FHIT: variants seen among roughly 807,000 people sequenced by gnomAD.
FHIT encodes bis(5'-adenosyl)-triphosphatase.
A neutral mutation model predicts 17.9 loss-of-function variants in FHIT; 19 were observed. The observed-to-expected ratio is 1.06, with a 90% CI of 0.74 to 1.56. FHIT has a LOEUF of 1.56. Among genes scored for constraint, FHIT ranks in the 40% most tolerant of loss-of-function variants. The pLI, the probability that FHIT is intolerant of heterozygous loss-of-function variation, is 0.00. For missense variants in FHIT, 248 were observed against 189.2 expected (o/e 1.31, Z -1.82); for synonymous variants, 81 against 69.7 (o/e 1.16, Z -0.81).
chr3:60,898,157 C>T (rs1705925855), intron 3 of FHIT, among the ~76,000 whole-genome samples: 3 of 152,070 alleles, frequency 2.0e-5, no homozygotes. Context: ...TAATCTGTTT[C>T]CATTTTCATT....
At chr3:60,908,616 G>A (rs782598646) in intron 3 of FHIT, among the ~76,000 whole-genome samples, 1 of 149,784 alleles carries the variant, frequency 6.7e-6, no homozygotes, top group African/African-American at 2.5e-5. Flanking sequence ...AAAGGCGGTT[G>A]TACTATAAAA....
At chr3:61,100,199 A>G (rs1309271214) in intron 2 of FHIT, among the ~76,000 whole-genome samples, 2 of 152,044 alleles carry the variant, frequency 1.3e-5, no homozygotes, top group African/African-American at 4.8e-5. Flanking sequence ...TCCTAATGCT[A>G]TCCCTCTCCC....
At chr3:61,027,706 G>A (rs1372358866) in intron 3 of FHIT, among the ~76,000 whole-genome samples, 2 of 152,150 alleles carry the variant, frequency 1.3e-5, no homozygotes, top group Non-Finnish European at 2.9e-5. Flanking sequence ...CAATATGTAT[G>A]ACAGAAAGAT....
chr3:59,765,685 G>C (rs1001112488), intron 8 of FHIT, among the ~76,000 whole-genome samples: 4 of 152,140 alleles, frequency 2.6e-5, no homozygotes, highest in African/African-American at 4.8e-5. Context: ...AAACAGTTTA[G>C]CATTACCTCC....
In FHIT at chr3:60,186,896, T is replaced by C. The variant is rs372338777; in HGVS notation, c.104-172744A>G. On this transcript the variant is annotated intron_variant, in intron 5 of 9. Coordinates refer to ENST00000492590, the MANE Select transcript of FHIT (RefSeq NM_002012.4). ...CCCTCAAATTAGGAGGCATAAGATATTTAAATTCAAATGGGAGCTTTCTAC... is the reference window on the plus strand; with the variant it reads ...CCCTCAAATTAGGAGGCATAAGATACTTAAATTCAAATGGGAGCTTTCTAC... Among the ~76,000 whole-genome samples the C allele has an allele frequency of 2.0e-5, 3 of 152,274 alleles. No homozygotes were observed. In the South Asian group the frequency reaches 6.2e-4, roughly 32 times the overall value.
intron 5 of FHIT, among the ~76,000 whole-genome samples, chr3:60,123,534 C>T (rs954990030): frequency 1.3e-5 from 2 of 152,080 alleles, no homozygotes; most frequent in Non-Finnish European, 2.9e-5. Flanking sequence ...GTTATATACT[C>T]TGATTCATTA....
intron 5 of FHIT, among the ~76,000 whole-genome samples, chr3:60,475,438 A>C (rs1466925641): frequency 4.6e-5 from 7 of 152,188 alleles, no homozygotes; most frequent in Admixed American, 4.6e-4. Flanking sequence ...TATTACTTTG[A>C]AACCAAAGCT....
chr3:60,860,437 T>TGTATATATGATA (rs1455258488), intron 3 of FHIT, among the ~76,000 whole-genome samples: 1 of 134,770 alleles, frequency 7.4e-6, no homozygotes, highest in South Asian at 2.3e-4. Flanking sequence ...TACATATATA[T>TGTATATATGATA]CATGTATATA....
chr3:60,363,286 T>C (rs1204169823), intron 5 of FHIT, among the ~76,000 whole-genome samples: 2 of 152,182 alleles, frequency 1.3e-5, no homozygotes, highest in Admixed American at 6.5e-5. Flanking sequence ...TGTGTGTGCC[T>C]ATGAAGTTTT....
intron 5 of FHIT, among the ~76,000 whole-genome samples, chr3:60,049,451 ATG>A: frequency 7.7e-6 from 1 of 129,820 alleles, no homozygotes; most frequent in Non-Finnish European, 1.9e-5. Flanking sequence ...GAATATCTTG[ATG>A]AATCTTCTTT....
At chr3:60,056,459 G>C (rs1389951439) in intron 5 of FHIT, among the ~76,000 whole-genome samples, 1 of 152,220 alleles carries the variant, frequency 6.6e-6, no homozygotes, top group Non-Finnish European at 1.5e-5. Context: ...TTTTGTAAGA[G>C]AAACTCTTCT....
chr3:61,220,919 C>T (rs904621801), intron 1 of FHIT, among the ~76,000 whole-genome samples: 1 of 152,184 alleles, frequency 6.6e-6, no homozygotes, highest in Admixed American at 6.5e-5. Flanking sequence ...ACACGACATG[C>T]CCTTGCCACA....
chr3:60,472,590 C>T (rs59642367), intron 5 of FHIT, among the ~76,000 whole-genome samples: 2 of 151,942 alleles, frequency 1.3e-5, no homozygotes, highest in Non-Finnish European at 2.9e-5. Flanking sequence ...AGGATGGTCT[C>T]GATCTCCTGA....
intron 2 of FHIT, 26 bp from the exon 3 acceptor site, chr3:61,042,125 G>A (rs1054930846): frequency 6.6e-6 from 1 of 152,172 alleles, no homozygotes; most frequent in Admixed American, 6.5e-5. Context: ...AACACAAGAT[G>A]GGAGACATAT....
At chr3:60,969,434 T>C (rs1427894798) in intron 3 of FHIT, among the ~76,000 whole-genome samples, 1 of 152,126 alleles carries the variant, frequency 6.6e-6, no homozygotes, top group African/African-American at 2.4e-5. Flanking sequence ...TTGATACTGA[T>C]TACTAGATTA....
At chr3:60,170,878 T>C (rs1177147518) in intron 5 of FHIT, among the ~76,000 whole-genome samples, 1 of 152,146 alleles carries the variant, frequency 6.6e-6, no homozygotes, top group African/African-American at 2.4e-5. Context: ...AAGACCAGTG[T>C]CAAAATATTG....
rs921912029 is a variant in FHIT, at chr3:60,491,835, T to C, written c.103+45025A>G. Reference sequence around the variant, plus strand: ...TTGTTATTTATTTCCTTAAATTTTTTTTTACAACAGAAACACAATGAAATG... The same window carrying C: ...TTGTTATTTATTTCCTTAAATTTTTCTTTACAACAGAAACACAATGAAATG... On this transcript the variant is annotated intron_variant, in intron 5 of 9. Transcript: ENST00000492590. 2.0e-5 allele frequency among the ~76,000 whole-genome samples: 3 copies of C among 152,278 alleles called. No individual in the cohort carries two copies. The South Asian group carries it at 6.2e-4, about 32-fold the overall frequency.
At chr3:60,943,891 CA>C (rs1284228830) in intron 3 of FHIT, among the ~76,000 whole-genome samples, 31 of 152,242 alleles carry the variant, frequency 2.0e-4, no homozygotes, top group African/African-American at 5.3e-4. Flanking sequence ...TTACCTATAA[CA>C]TGAAAATAAG....
At chr3:60,726,733 C>G (rs563627079) in intron 4 of FHIT, among the ~76,000 whole-genome samples, 4 of 152,108 alleles carry the variant, frequency 2.6e-5, no homozygotes, top group East Asian at 3.9e-4. Flanking sequence ...TTATTTAAAC[C>G]AAGGCATATG....
Sources: allele counts gnomAD v4.1 joint callset (sites outside exome capture counted in the v4.1 genomes callset), GRCh38; gene constraint gnomAD v4.1.1; transcripts MANE v1.5; gene names NCBI Gene and HGNC (gene_info 2026-07-23, HGNC 2026-07-21).